CPA3: variants seen among roughly 807,000 people sequenced by gnomAD.
CPA3 encodes the protein carboxypeptidase A3, also known as mast cell carboxypeptidase A.
Under a neutral mutation model 55.8 loss-of-function variants are expected in CPA3, and 52 were observed. The ratio of observed to expected loss-of-function variants is 0.93; its 90% CI spans 0.75 to 1.17. CPA3 has a LOEUF of 1.17. CPA3 is among the 50% of genes most tolerant of loss of function. CPA3 has a pLI of 0.00. For missense variants in CPA3, 547 were observed against 509.1 expected (o/e 1.07, Z -0.72); for synonymous variants, 179 against 171.2 (o/e 1.05, Z -0.36).
chr3:148,891,720 C>T (rs1374036075), intron 10 of CPA3, among the ~76,000 whole-genome samples: 1 of 152,108 alleles, frequency 6.6e-6, no homozygotes. Context: ...ATGACAAACT[C>T]CACATAAAGT....
intron 10 of CPA3, among the ~76,000 whole-genome samples, chr3:148,892,826 A>C (rs1269310471): frequency 3.5e-5 from 3 of 86,168 alleles, no homozygotes; most frequent in South Asian, 7.3e-4. Flanking sequence ...AAAAATACAA[A>C]AGTTAGCCAG....
At chr3:148,878,617 T>C (rs755500166) in intron 4 of CPA3, 30 bp from the exon 5 acceptor site, 378 of 1,577,190 alleles carry the variant, frequency 2.4e-4, no homozygotes, top group Non-Finnish European at 2.9e-4. Flanking sequence ...TCTTTTATTC[T>C]AATTTCTCAA....
chr3:148,896,242 G>A (rs1714823689), intron 10 of CPA3, among the ~76,000 whole-genome samples: 1 of 152,050 alleles, frequency 6.6e-6, no homozygotes, highest in Non-Finnish European at 1.5e-5. Context: ...TCCTCAACAC[G>A]TCCATCTGCA....
At chr3:148,882,314 A>C (rs1466645635) in intron 7 of CPA3, among the ~76,000 whole-genome samples, 191 bp from the exon 8 acceptor site, 1 of 152,256 alleles carries the variant, frequency 6.6e-6, no homozygotes, top group Non-Finnish European at 1.5e-5. Flanking sequence ...ATATAATATT[A>C]AAAACCATGA....
intron 10 of CPA3, among the ~76,000 whole-genome samples, chr3:148,886,624 G>A (rs1247772791): frequency 2.0e-5 from 3 of 152,112 alleles, no homozygotes; most frequent in Non-Finnish European, 4.4e-5. Context: ...GGGCCTGGGA[G>A]GTCAAGACTG....
At chr3:148,890,192 C>CA (rs1714633132) in intron 10 of CPA3, among the ~76,000 whole-genome samples, 1 of 151,980 alleles carries the variant, frequency 6.6e-6, no homozygotes, top group South Asian at 2.1e-4. Context: ...TGAGATGGCA[C>CA]AAAAAAGTAA....
intron 3 of CPA3, among the ~76,000 whole-genome samples, chr3:148,878,147 T>C (rs1166118021): frequency 6.6e-6 from 1 of 152,226 alleles, no homozygotes; most frequent in Admixed American, 6.5e-5. Context: ...CAAAATCTGG[T>C]GTATATTTTA....
At chr3:148,874,006 T>C (rs929206438) in intron 3 of CPA3, among the ~76,000 whole-genome samples, 1 of 152,188 alleles carries the variant, frequency 6.6e-6, no homozygotes, top group African/African-American at 2.4e-5. Context: ...GAAAAAGTAA[T>C]TTGGTTTCAT....
At chr3:148,890,028 G>A (rs73016154) in intron 10 of CPA3, among the ~76,000 whole-genome samples, 9,677 of 151,960 alleles carry the variant, frequency 0.064, 1,056 homozygotes, top group African/African-American at 0.22. Flanking sequence ...AACTAGGGTT[G>A]AGAATCGCTG....
rs559066208 is a variant in CPA3, at chr3:148,896,521, C to G, written c.1068C>G (p.Tyr356Ter). The change falls in exon 11 of 11, where the codon TAC becomes TAG. Residue 356 changes from tyrosine (Y) to a stop codon, truncating the protein, a stop_gained and splice_region_variant. Transcript: ENST00000296046. LOFTEE classifies it high-confidence loss of function. The part of the protein sequence containing the change: ...YIYGPIESTI[Y>*]PISGSSLDWA... ...ATATTTACTGCTTGTGTTTTACAGA[C>G]CCGATATCAGGTTCTTCTTTAGACT... 2.6e-6 allele frequency: 4 copies of G among 1,511,950 alleles called. No homozygotes were observed. In the Admixed American group the frequency reaches 7.0e-5, roughly 27 times the overall value. The allele number at this position is 1,511,950 out of a possible 1,614,324, so 93.7% of individuals were successfully genotyped here.
At chr3:148,867,342 T>A (rs1235941249) in intron 2 of CPA3, among the ~76,000 whole-genome samples, 2 of 152,236 alleles carry the variant, frequency 1.3e-5, no homozygotes, top group African/African-American at 4.8e-5. Context: ...TTTTGGCTGC[T>A]CCTTGTGCTC....
chr3:148,886,858 A>G (rs542483411), intron 10 of CPA3, among the ~76,000 whole-genome samples: 60 of 152,314 alleles, frequency 3.9e-4, no homozygotes, highest in African/African-American at 1.3e-3. Context: ...AATCAGTTTC[A>G]GCTCCTCTGG....
intron 10 of CPA3, among the ~76,000 whole-genome samples, chr3:148,892,276 T>C (rs1378156825): frequency 2.6e-5 from 4 of 152,206 alleles, no homozygotes; most frequent in Non-Finnish European, 5.9e-5. Flanking sequence ...GAATCCCTCA[T>C]TTGTTACCTA....
At chr3:148,876,380 CA>C (rs1170234545) in intron 3 of CPA3, among the ~76,000 whole-genome samples, 61 of 150,712 alleles carry the variant, frequency 4.0e-4, no homozygotes, top group Admixed American at 7.3e-4. Flanking sequence ...TCTGATAAGA[CA>C]TTTTTTTTTT....
At chr3:148,885,987 C>G (rs1269530801) in intron 9 of CPA3, 106 bp from the exon 10 acceptor site, 1 of 763,398 alleles carries the variant, frequency 1.3e-6, no homozygotes, top group Non-Finnish European at 2.3e-6. Context: ...AGCACAGTGC[C>G]TAACCTGTAA....
intron 2 of CPA3, among the ~76,000 whole-genome samples, chr3:148,866,455 T>C (rs1238090307): frequency 3.9e-5 from 6 of 152,354 alleles, no homozygotes; most frequent in Non-Finnish European, 8.8e-5. Context: ...AACTCTGCAT[T>C]GCAACCTGAT....
intron 10 of CPA3, 95 bp from the exon 11 acceptor site, chr3:148,896,425 C>G (rs958389835): frequency 2.9e-6 from 3 of 1,049,674 alleles, no homozygotes; most frequent in African/African-American, 3.1e-5. Context: ...GCACACATAA[C>G]TATTTTTTAT....
At chr3:148,865,817 T>G (rs1713887096) in intron 2 of CPA3, among the ~76,000 whole-genome samples, 1 of 152,202 alleles carries the variant, frequency 6.6e-6, no homozygotes. Context: ...GAGCTGTTCT[T>G]GGCCTCCTTA....
Position 148,896,761 on chromosome 3 carries a change from C to T in CPA3, c.*54C>T. 2 of 1,360,014 alleles carry T rather than the reference C, an allele frequency of 1.5e-6. No homozygotes were observed. Among genetic ancestry groups the T allele is most frequent in the Non-Finnish European group, 2.0e-6 (2 of 1,015,430 alleles). 84.2% of individuals were successfully genotyped at this position (1,360,014 alleles called of 1,614,324 possible). A position where few individuals can be genotyped will look rare whatever the true frequency, so the allele number is the denominator to read the frequency against. Reference sequence around the variant, plus strand: ...ATTAATCCTTTTTTGTGCCTTTCATCAGAAAGTCAATCTTCAGTTATCCCC... The same window carrying T: ...ATTAATCCTTTTTTGTGCCTTTCATTAGAAAGTCAATCTTCAGTTATCCCC... On this transcript the variant is annotated 3_prime_UTR_variant, in exon 11 of 11. Coordinates refer to ENST00000296046, the MANE Select transcript of CPA3 (RefSeq NM_001870.4).
Sources: gnomAD v4.1 joint callset for allele counts (sites outside exome capture counted in the v4.1 genomes callset) on GRCh38, gnomAD v4.1.1 for gene constraint, MANE v1.5 for transcripts, NCBI Gene and HGNC (gene_info 2026-07-23, HGNC 2026-07-21) for gene names.